The following FAM167A variants were observed in gnomAD, a reference collection of about 807,000 sequenced individuals.
The protein encoded by FAM167A is family with sequence similarity 167 member A.
A neutral mutation model predicts 14.9 loss-of-function variants in FAM167A; 23 were observed. The observed-to-expected ratio is 1.55, with a 90% CI of 1.11 to 2.19. FAM167A has a LOEUF of 2.19. FAM167A is among the 30% of genes most tolerant of loss of function. The pLI, the probability that FAM167A is intolerant of heterozygous loss-of-function variation, is 0.00. For missense variants in FAM167A, 401 were observed against 281.5 expected, an observed-to-expected ratio of 1.42 and a Z score of -3.04; for synonymous variants, 174 against 117.7, an observed-to-expected ratio of 1.48 and a Z score of -3.10.
chr8:11,455,193 G>A (rs370982944), intron 1 of FAM167A, among the ~76,000 whole-genome samples: 4 of 143,222 alleles, frequency 2.8e-5, no homozygotes, highest in African/African-American at 7.7e-5. Context: ...TGTGGGTGGT[G>A]GTTGCCTTGC....
At chr8:11,431,766 T>C (rs973345976) in intron 2 of FAM167A, among the ~76,000 whole-genome samples, 1 of 151,802 alleles carries the variant, frequency 6.6e-6, no homozygotes, top group South Asian at 2.1e-4. Flanking sequence ...GTCTCAGTGA[T>C]GTTGTCTCTA....
intron 1 of FAM167A, among the ~76,000 whole-genome samples, chr8:11,473,583 CCTT>C (rs952010204): frequency 2.0e-5 from 3 of 152,204 alleles, no homozygotes; most frequent in South Asian, 2.1e-4. Context: ...AGAACGCACA[CCTT>C]CTTTCCCATC....
At chr8:11,466,167 C>T (rs935321456) in intron 1 of FAM167A, among the ~76,000 whole-genome samples, 1 of 152,110 alleles carries the variant, frequency 6.6e-6, no homozygotes. Context: ...GTCCAGGTGC[C>T]CTGGGCCACC....
chr8:11,436,142 G>T (rs1004358065), intron 2 of FAM167A, among the ~76,000 whole-genome samples: 2 of 152,222 alleles, frequency 1.3e-5, no homozygotes, highest in African/African-American at 4.8e-5. Context: ...TCCGGGGTTG[G>T]GTAGGGCTGT....
upstream of FAM167A, among the ~76,000 whole-genome samples, chr8:11,470,012 C>T (rs181018719): frequency 1.3e-5 from 2 of 152,216 alleles, no homozygotes; most frequent in South Asian, 4.1e-4. Context: ...CACTAAATAC[C>T]AGACATTGTT....
chr8:11,464,945 G>A (rs1037326051), intron 1 of FAM167A, among the ~76,000 whole-genome samples: 1 of 152,154 alleles, frequency 6.6e-6, no homozygotes, highest in Non-Finnish European at 1.5e-5. Context: ...CAGGAAGGCG[G>A]GGACTGGCAA....
chr8:11,427,901 A>C lies in FAM167A; in HGVS notation c.382-3265T>G, dbSNP rs73540435. Among the ~76,000 whole-genome samples the C allele has an allele frequency of 4.8e-3, 730 of 152,312 alleles. 5 individuals are homozygous for C. The highest frequency in any genetic ancestry group is 0.017 in the African/African-American group (703 of 41,558). On this transcript the variant is annotated intron_variant, in intron 2 of 2. Transcript: ENST00000284486. Reference sequence around the variant, plus strand: ...CTAGAATAGCACCAAATTAATGATGATAGGGTGGCTGGTCATTTGTTTTGT... The same window carrying C: ...CTAGAATAGCACCAAATTAATGATGCTAGGGTGGCTGGTCATTTGTTTTGT...
chr8:11,443,912 A>T, intron 2 of FAM167A, 119 bp downstream of exon 2: 1 of 1,251,930 alleles, frequency 8.0e-7, no homozygotes, highest in Non-Finnish European at 1.1e-6. Flanking sequence ...CTTGGGGGTT[A>T]GAGAGAGGGG....
intron 2 of FAM167A, among the ~76,000 whole-genome samples, chr8:11,442,428 G>C (rs1806496451): frequency 1.3e-5 from 2 of 152,140 alleles, no homozygotes; most frequent in Non-Finnish European, 2.9e-5. Context: ...ACTAAAGGAC[G>C]ATAAGCAGGA....
chr8:11,449,004 G>C (rs1430189118), intron 1 of FAM167A, among the ~76,000 whole-genome samples: 4 of 152,272 alleles, frequency 2.6e-5, no homozygotes, highest in Non-Finnish European at 5.9e-5. Context: ...AGAGGCCTGA[G>C]TTGGGGAGTC....
chr8:11,457,404 T>A (rs1018780027), intron 1 of FAM167A, among the ~76,000 whole-genome samples: 60 of 151,998 alleles, frequency 3.9e-4, no homozygotes, highest in African/African-American at 1.4e-3. Context: ...CATGCCTGGT[T>A]CTGCTTGAAC....
chr8:11,431,153 A>G (rs1805558402), intron 2 of FAM167A, among the ~76,000 whole-genome samples: 1 of 152,250 alleles, frequency 6.6e-6, no homozygotes, highest in African/African-American at 2.4e-5. Flanking sequence ...AGTGCCCTCC[A>G]CAGATGAATG....
Position 11,422,112 on chromosome 8 carries a change from C to T in FAM167A, c.*2261G>A, listed in dbSNP as rs1042623926. ...ACATGTGTCTTGATCTTAGTTTCCA[C>T]CCAGAGAATGAAGAAAGCAAGCAAG... On this transcript the variant is annotated 3_prime_UTR_variant, in exon 3 of 3. Transcript: ENST00000284486. The T allele has an allele frequency of 6.6e-6, 2 of 303,434 alleles. No individual in the cohort carries two copies. The highest frequency in any genetic ancestry group is 5.1e-5 in the Admixed American group (1 of 19,664). 18.8% of individuals were successfully genotyped at this position (303,434 alleles called of 1,614,324 possible).
chr8:11,463,306 G>A (rs909629821), intron 1 of FAM167A, among the ~76,000 whole-genome samples: 1 of 152,224 alleles, frequency 6.6e-6, no homozygotes, highest in African/African-American at 2.4e-5. Context: ...GACTTCCAGG[G>A]CGAAGTGCGT....
intron 1 of FAM167A, among the ~76,000 whole-genome samples, chr8:11,453,069 T>A (rs1030523256): frequency 4.6e-5 from 7 of 152,152 alleles, no homozygotes; most frequent in Non-Finnish European, 1.0e-4. Flanking sequence ...TTGGACGCTG[T>A]CCCCTTCTCC....
intron 2 of FAM167A, among the ~76,000 whole-genome samples, chr8:11,425,308 GAC>G (rs959221575): frequency 5.3e-5 from 8 of 152,120 alleles, no homozygotes; most frequent in Admixed American, 2.0e-4. Flanking sequence ...TATAGAGGAG[GAC>G]ACAGAGGCAC....
At chr8:11,472,272 G>C (rs150689553), upstream of FAM167A, among the ~76,000 whole-genome samples, 514 of 152,214 alleles carry the variant, frequency 3.4e-3, 2 homozygotes, top group African/African-American at 0.012. Flanking sequence ...TGATGTCTTT[G>C]AGTTTGTGGA....
chr8:11,455,828 G>A (rs1405722239), intron 1 of FAM167A, among the ~76,000 whole-genome samples: 1 of 147,380 alleles, frequency 6.8e-6, no homozygotes, highest in Non-Finnish European at 1.5e-5. Context: ...TGCTGTGTAT[G>A]AGTGTGAGTG....
chr8:11,443,840 G>A, intron 2 of FAM167A, 191 bp downstream of exon 2: 1 of 679,054 alleles, frequency 1.5e-6, no homozygotes, highest in Non-Finnish European at 2.4e-6. Context: ...TGACACCTGG[G>A]TCCCCCCAGC....
Sources: gnomAD v4.1 joint callset for allele counts (sites outside exome capture counted in the v4.1 genomes callset) on GRCh38, gnomAD v4.1.1 for gene constraint, MANE v1.5 for transcripts, NCBI Gene and HGNC (gene_info 2026-07-23, HGNC 2026-07-21) for gene names.